The following NRXN3 variants were observed in gnomAD, a reference collection of about 807,000 sequenced individuals.
NRXN3 encodes neurexin III.
A neutral mutation model predicts 137.6 loss-of-function variants in NRXN3; 32 were observed. The observed-to-expected ratio is 0.23, with a 90% CI of 0.18 to 0.31. The LOEUF (loss-of-function observed/expected upper bound fraction) is 0.31. NRXN3 is among the 10% of genes least tolerant of loss of function. The probability of loss-of-function intolerance (pLI) is 1.00; values close to 1 mark genes in which losing one functional copy is unlikely to be tolerated. For missense variants in NRXN3, 1,574 were observed against 2,062.5 expected (o/e 0.76, Z 4.59); for synonymous variants, 798 against 784.5 (o/e 1.02, Z -0.29).
chr14:79,351,082 T>G (rs1175190547), intron 15 of NRXN3, among the ~76,000 whole-genome samples: 1 of 152,190 alleles, frequency 6.6e-6, no homozygotes, highest in East Asian at 1.9e-4. Context: ...AAGCTGATAC[T>G]TTCAAACTTT....
At chr14:79,492,738 T>G (rs969218057) in intron 16 of NRXN3, among the ~76,000 whole-genome samples, 2 of 152,108 alleles carry the variant, frequency 1.3e-5, no homozygotes, top group African/African-American at 4.8e-5. Flanking sequence ...ACCTTATTGG[T>G]ATGGTGAATT....
intron 15 of NRXN3, among the ~76,000 whole-genome samples, chr14:79,065,524 T>C (rs974591786): frequency 6.6e-6 from 1 of 152,060 alleles, no homozygotes; most frequent in African/African-American, 2.4e-5. Context: ...GTGAAGTGTA[T>C]CACTTTGCTA....
chr14:79,441,442 C>T (rs1007352348), intron 15 of NRXN3, among the ~76,000 whole-genome samples: 5 of 119,160 alleles, frequency 4.2e-5, no homozygotes, highest in African/African-American at 1.3e-4. Flanking sequence ...TGCAGTGGTG[C>T]GATCTTGGCT....
chr14:78,458,369 A>T (rs534667971), intron 4 of NRXN3, among the ~76,000 whole-genome samples: 2 of 152,200 alleles, frequency 1.3e-5, no homozygotes, highest in Non-Finnish European at 2.9e-5. Context: ...GACTTGAAAA[A>T]TGTGGAATGT....
At chr14:79,235,186 G>A (rs2073157387) in intron 15 of NRXN3, among the ~76,000 whole-genome samples, 1 of 152,124 alleles carries the variant, frequency 6.6e-6, no homozygotes, top group African/African-American at 2.4e-5. Context: ...CTCATGTCAT[G>A]TGAAAGACAG....
intron 16 of NRXN3, among the ~76,000 whole-genome samples, chr14:79,548,197 C>A (rs2097339436): frequency 6.6e-6 from 1 of 152,078 alleles, no homozygotes. Context: ...AGCCCTCCAC[C>A]CACCTGACAG....
chr14:78,250,247 T>A, intron 2 of NRXN3: 2 of 347,602 alleles, frequency 5.8e-6, no homozygotes, highest in South Asian at 2.2e-5. Flanking sequence ...ACAGGAATCA[T>A]AAAAAATCGT....
chr14:78,608,991 A>C (rs2097276451), intron 4 of NRXN3, among the ~76,000 whole-genome samples: 1 of 152,098 alleles, frequency 6.6e-6, no homozygotes, highest in South Asian at 2.1e-4. Flanking sequence ...ATATTTGGGA[A>C]GCTATGGGTG....
intron 15 of NRXN3, among the ~76,000 whole-genome samples, chr14:79,402,690 G>A (rs981939414): frequency 2.6e-5 from 4 of 152,120 alleles, no homozygotes; most frequent in African/African-American, 9.7e-5. Flanking sequence ...TGAAGAATTA[G>A]ATCTCAAACT....
At chr14:78,705,833 A>G (rs1396272967) in intron 6 of NRXN3, among the ~76,000 whole-genome samples, 2 of 152,232 alleles carry the variant, frequency 1.3e-5, no homozygotes, top group African/African-American at 4.8e-5. Context: ...TTTCAGGGCC[A>G]TGGAGTAGAT....
At chr14:78,657,319 C>T (rs186794001) in intron 6 of NRXN3, among the ~76,000 whole-genome samples, 145 of 152,270 alleles carry the variant, frequency 9.5e-4, no homozygotes, top group Admixed American at 2.3e-3. Flanking sequence ...GCTACTCAAG[C>T]CCATCACAGT....
At chr14:78,444,007 G>T (rs1321107265) in intron 4 of NRXN3, among the ~76,000 whole-genome samples, 1 of 152,198 alleles carries the variant, frequency 6.6e-6, no homozygotes, top group Non-Finnish European at 1.5e-5. Flanking sequence ...TTGTCCTCTA[G>T]TAATGATGCC....
rs1005560780 is a variant in NRXN3 at position 78,475,808 on chromosome 14, G to A, written c.758-169312G>A. 3.3e-5 allele frequency among the ~76,000 whole-genome samples: 5 copies of A among 152,260 alleles called. No individual in the cohort carries two copies. The East Asian group carries it at 9.7e-4, about 29-fold the overall frequency. Reference sequence around the variant, plus strand: ...AGTTGCTTGTGCATTGCTTAGAGAAGAAGAGGAAGAAGAATGATAGAACTA... The same window carrying A: ...AGTTGCTTGTGCATTGCTTAGAGAAAAAGAGGAAGAAGAATGATAGAACTA... On this transcript the variant is annotated intron_variant, in intron 4 of 20. Coordinates refer to ENST00000335750, the MANE Select transcript of NRXN3 (RefSeq NM_001330195.2).
chr14:78,548,543 AG>A (rs1193723945), intron 4 of NRXN3, among the ~76,000 whole-genome samples: 3 of 152,242 alleles, frequency 2.0e-5, no homozygotes, highest in African/African-American at 2.4e-5. Flanking sequence ...TTCAGAAGTC[AG>A]GTGCCTAGCT....
intron 10 of NRXN3, among the ~76,000 whole-genome samples, chr14:78,855,089 G>C (rs570061790): frequency 6.6e-6 from 1 of 151,866 alleles, no homozygotes; most frequent in East Asian, 1.9e-4. Flanking sequence ...ACTTGAACCT[G>C]GGAGGCCGAG....
intron 15 of NRXN3, among the ~76,000 whole-genome samples, chr14:79,148,849 A>G (rs1312141322): frequency 6.6e-6 from 1 of 152,108 alleles, no homozygotes; most frequent in Non-Finnish European, 1.5e-5. Context: ...CTCCCTTTAA[A>G]GAGTGTTTTT....
intron 10 of NRXN3, among the ~76,000 whole-genome samples, chr14:78,870,296 G>A (rs2099098151): frequency 6.6e-6 from 1 of 152,204 alleles, no homozygotes; most frequent in African/African-American, 2.4e-5. Context: ...GAACATAATA[G>A]TTGCTCAACA....
intron 8 of NRXN3, among the ~76,000 whole-genome samples, chr14:78,781,341 T>C (rs1298315236): frequency 6.6e-6 from 1 of 152,206 alleles, no homozygotes; most frequent in African/African-American, 2.4e-5. Flanking sequence ...GCCTGTAATA[T>C]TTTATTTCTT....
At chr14:78,881,637 C>T (rs753565481) in intron 10 of NRXN3, among the ~76,000 whole-genome samples, 7 of 151,370 alleles carry the variant, frequency 4.6e-5, no homozygotes, top group Non-Finnish European at 8.8e-5. Context: ...GTGTTCAAGA[C>T]GTGACTTGGG....
Sources: gnomAD v4.1 joint callset for allele counts (sites outside exome capture counted in the v4.1 genomes callset) on GRCh38, gnomAD v4.1.1 for gene constraint, MANE v1.5 for transcripts, NCBI Gene and HGNC (gene_info 2026-07-23, HGNC 2026-07-21) for gene names.